The following PLEKHH2 variants were observed in gnomAD, a reference collection of about 807,000 sequenced individuals.
PLEKHH2 encodes pleckstrin homology domain-containing family H member 2.
PLEKHH2 carries 129 observed loss-of-function variants against 187.9 expected under a neutral mutation model. The observed-to-expected ratio is 0.69, with a 90% CI of 0.59 to 0.79. PLEKHH2 has a LOEUF of 0.79. Ranked by LOEUF, PLEKHH2 falls within the 30% of genes least tolerant of loss-of-function variation. The pLI is 0.00. For synonymous variants in PLEKHH2, 686 were observed against 605.6 expected (o/e 1.13, Z -1.95); for missense variants, 2,076 against 1,751.2 (o/e 1.19, Z -3.31).
At chr2:43,643,966 C>T (rs1666067689) in intron 1 of PLEKHH2, among the ~76,000 whole-genome samples, 1 of 152,042 alleles carries the variant, frequency 6.6e-6, no homozygotes, top group South Asian at 2.1e-4. Context: ...AACACTAATT[C>T]CAGATTTACT....
chr2:43,670,213 C>T (rs762157005), intron 2 of PLEKHH2, among the ~76,000 whole-genome samples: 1 of 152,090 alleles, frequency 6.6e-6, no homozygotes, highest in Admixed American at 6.5e-5. Context: ...ATGCTTTATG[C>T]CAGGAGAACA....
intron 4 of PLEKHH2, among the ~76,000 whole-genome samples, chr2:43,693,046 G>T (rs1300512679): frequency 6.6e-6 from 1 of 152,106 alleles, no homozygotes; most frequent in African/African-American, 2.4e-5. Context: ...TTGTGCCTCA[G>T]CCTCCCGAGT....
At chr2:43,697,027 G>A (rs1349360244) in intron 6 of PLEKHH2, 144 bp from the exon 7 acceptor site, 1 of 560,684 alleles carries the variant, frequency 1.8e-6, no homozygotes, top group African/African-American at 1.9e-5. Context: ...AAGGTTCTAT[G>A]TTATTGTACA....
chr2:43,652,714 C>T (rs7587245), intron 2 of PLEKHH2, among the ~76,000 whole-genome samples: 56,211 of 152,108 alleles, frequency 0.37, 10,694 homozygotes, highest in Non-Finnish European at 0.41. Context: ...AGTCCTTCAC[C>T]CTTAAACCTA....
At chr2:43,694,402 A>G in intron 4 of PLEKHH2, 29 bp from the exon 5 acceptor site, 10 of 1,538,666 alleles carry the variant, frequency 6.5e-6, no homozygotes, top group Non-Finnish European at 8.8e-6. Flanking sequence ...TTTATGTTTG[A>G]ACTAAACAAA....
At chr2:43,654,519 T>C (rs932780337) in intron 2 of PLEKHH2, among the ~76,000 whole-genome samples, 6 of 151,286 alleles carry the variant, frequency 4.0e-5, no homozygotes, top group African/African-American at 1.5e-4. Flanking sequence ...ATACACTGAA[T>C]TTCTGTTCTT....
chr2:43,694,172 T>C lies in PLEKHH2; in HGVS notation c.337-259T>C, dbSNP rs1340486375. ...TGGCTTATTTTGTTGATAAATTCAG[T>C]GGATTGACTTCAGTGTATGATCTTT... On this transcript the variant is annotated intron_variant, in intron 4 of 29. Coordinates refer to ENST00000282406, the MANE Select transcript of PLEKHH2 (RefSeq NM_172069.4). 3.3e-5 allele frequency among the ~76,000 whole-genome samples: 5 copies of C among 152,362 alleles called. No homozygotes were observed. The East Asian group carries it at 9.6e-4, about 29-fold the overall frequency.
At chr2:43,703,578 G>C (rs1558523732) in intron 8 of PLEKHH2, among the ~76,000 whole-genome samples, 1 of 152,166 alleles carries the variant, frequency 6.6e-6, no homozygotes. Context: ...CAATGATTGA[G>C]AATGGTTTCT....
chr2:43,665,801 G>A (rs796903515), intron 2 of PLEKHH2, among the ~76,000 whole-genome samples: 2,632 of 135,548 alleles, frequency 0.019, 26 homozygotes, highest in South Asian at 0.04. Flanking sequence ...TCAGGGGTCA[G>A]GGACCCACTT....
intron 23 of PLEKHH2, 76 bp downstream of exon 23, chr2:43,744,065 T>G: frequency 6.5e-7 from 1 of 1,526,760 alleles, no homozygotes; most frequent in South Asian, 1.3e-5. Flanking sequence ...GAGTAAACTT[T>G]GCAAGAAGTT....
chr2:43,644,181 T>C (rs958890006), intron 1 of PLEKHH2, among the ~76,000 whole-genome samples: 2 of 152,102 alleles, frequency 1.3e-5, no homozygotes, highest in Admixed American at 1.3e-4. Flanking sequence ...TTGTAGCAAT[T>C]GAATCAAACT....
chr2:43,760,773 C>G (rs942425246), intron 27 of PLEKHH2, among the ~76,000 whole-genome samples: 2 of 152,180 alleles, frequency 1.3e-5, no homozygotes, highest in African/African-American at 4.8e-5. Context: ...CAAACTGAAA[C>G]TGTACCTAAC....
chr2:43,700,098 T>C lies in PLEKHH2; in HGVS notation c.1140T>C (p.Asp380=). The C allele has an allele frequency of 1.9e-6, 3 of 1,614,158 alleles. No homozygotes were observed. Among genetic ancestry groups the C allele is most frequent in the Non-Finnish European group, 2.5e-6 (3 of 1,180,028 alleles). The change falls in exon 8 of 30, where the codon GAT becomes GAC. Residue 380 remains aspartate (D), a synonymous_variant. Transcript: ENST00000282406. ...GNSELSKKEQ[D]SSSDELNKKF... ...CTGAATTAAGTAAAAAGGAACAAGA[T>C]AGTTCCTCGGATGAACTGAATAAAA... is the stretch of plus-strand genomic sequence containing the variant.
chr2:43,741,856 T>G (rs1482945458), intron 21 of PLEKHH2, among the ~76,000 whole-genome samples: 1 of 152,158 alleles, frequency 6.6e-6, no homozygotes, highest in Non-Finnish European at 1.5e-5. Flanking sequence ...GCAGTAAAAT[T>G]TATGTATAAC....
intron 16 of PLEKHH2, among the ~76,000 whole-genome samples, chr2:43,721,130 A>G (rs959898013): frequency 2.6e-5 from 4 of 152,210 alleles, no homozygotes; most frequent in African/African-American, 9.7e-5. Context: ...TTTCTGTCCC[A>G]AGCCCTCAAA....
chr2:43,721,773 C>A (rs1254318396), intron 16 of PLEKHH2, among the ~76,000 whole-genome samples: 2 of 152,128 alleles, frequency 1.3e-5, no homozygotes, highest in Non-Finnish European at 2.9e-5. Context: ...GTAGTCCCAA[C>A]TACTAGGGAG....
intron 2 of PLEKHH2, among the ~76,000 whole-genome samples, chr2:43,665,726 C>T (rs1667161948): frequency 8.9e-6 from 1 of 112,810 alleles, no homozygotes; most frequent in African/African-American, 3.7e-5. Context: ...TGTTGGAATA[C>T]CCTGCCGTGT....
chr2:43,745,545 T>C (rs564846945), intron 23 of PLEKHH2, among the ~76,000 whole-genome samples: 3 of 152,292 alleles, frequency 2.0e-5, no homozygotes, highest in African/African-American at 4.8e-5. Context: ...AAAAACTTGC[T>C]TCTTCAGTGA....
chr2:43,725,821 G>C (rs1472988342), intron 16 of PLEKHH2, among the ~76,000 whole-genome samples: 2 of 152,048 alleles, frequency 1.3e-5, no homozygotes, highest in African/African-American at 4.8e-5. Flanking sequence ...TTTTTAAAAA[G>C]GTATGTTATA....
Sources: allele counts gnomAD v4.1 joint callset (sites outside exome capture counted in the v4.1 genomes callset), GRCh38; gene constraint gnomAD v4.1.1; transcripts MANE v1.5; gene names NCBI Gene and HGNC (gene_info 2026-07-23, HGNC 2026-07-21).